The following PLEKHA6 variants were observed in gnomAD, a reference collection of about 807,000 sequenced individuals.
The protein encoded by PLEKHA6 is pleckstrin homology domain-containing family A member 6.
PLEKHA6 carries 60 observed loss-of-function variants against 116.7 expected under a neutral mutation model. The ratio of observed to expected loss-of-function variants is 0.51; its 90% CI spans 0.42 to 0.64. The LOEUF (loss-of-function observed/expected upper bound fraction) is 0.64. Ranked by LOEUF, PLEKHA6 falls within the 30% of genes least tolerant of loss-of-function variation. PLEKHA6 has a pLI of 0.00. For synonymous variants in PLEKHA6, 489 were observed against 556.1 expected (o/e 0.88, Z 1.70); for missense variants, 1,338 against 1,422.7 (o/e 0.94, Z 0.96).
intron 1 of PLEKHA6, among the ~76,000 whole-genome samples, chr1:204,276,526 T>C (rs1668023361): frequency 6.6e-6 from 1 of 152,062 alleles, no homozygotes; most frequent in African/African-American, 2.4e-5. Flanking sequence ...AGTTGTCTGC[T>C]TTTTCTCAGT....
Position 204,261,236 on chromosome 1 carries a change from G to C in PLEKHA6, c.524+70C>G. ...GCACACTGGGATTAGCAATGGCCCA[G>C]AGCTGGGTGTGTCTTCCATTCCCCT... On this transcript the variant is annotated intron_variant, in intron 7 of 22. Coordinates refer to ENST00000272203, the MANE Select transcript of PLEKHA6 (RefSeq NM_014935.5). This position sits in a 1 kb window ranked among gnomAD's most constrained non-coding sequence, Gnocchi z 4.0. 6.4e-7 allele frequency: 1 copy of C among 1,566,834 alleles called. No individual in the cohort carries two copies. Among genetic ancestry groups the C allele is most frequent in the Non-Finnish European group, 8.8e-7 (1 of 1,137,172 alleles).
At chr1:204,344,122 C>T (rs979740293) in intron 1 of PLEKHA6, among the ~76,000 whole-genome samples, 2 of 151,902 alleles carry the variant, frequency 1.3e-5, no homozygotes, top group Non-Finnish European at 2.9e-5. Flanking sequence ...GACCCTATCT[C>T]GAAAAAATAA....
chr1:204,230,069 G>C (rs531796012), intron 18 of PLEKHA6, among the ~76,000 whole-genome samples: 2 of 152,370 alleles, frequency 1.3e-5, no homozygotes, highest in East Asian at 3.9e-4. Flanking sequence ...CCCAGTGCTA[G>C]GCACAGAGGA....
At chr1:204,290,004 T>C (rs1669587020) in intron 1 of PLEKHA6, among the ~76,000 whole-genome samples, 1 of 152,176 alleles carries the variant, frequency 6.6e-6, no homozygotes, top group Admixed American at 6.5e-5. Flanking sequence ...ACCTATACAC[T>C]GAAAACTATA....
At chr1:204,312,872 TTTTCTTTTCTTTTC>T (rs1293189280) in intron 1 of PLEKHA6, among the ~76,000 whole-genome samples, 2 of 140,304 alleles carry the variant, frequency 1.4e-5, no homozygotes, top group South Asian at 4.4e-4. Flanking sequence ...TTTTCTTTTC[TTTTCTTTTCTTTTC>T]TTTTTTTTCT....
rs764011493 is a variant in PLEKHA6, at chr1:204,257,052, A to C, written c.1524+301T>G. 6.6e-6 allele frequency among the ~76,000 whole-genome samples: 1 copy of C among 152,206 alleles called. No homozygotes were observed. Among genetic ancestry groups the C allele is most frequent in the Non-Finnish European group, 1.5e-5 (1 of 68,028 alleles). On this transcript the variant is annotated intron_variant, in intron 9 of 22. Coordinates refer to ENST00000272203, the MANE Select transcript of PLEKHA6 (RefSeq NM_014935.5). This position sits in a 1 kb window ranked among gnomAD's most constrained non-coding sequence, Gnocchi z 6.5. The stretch of plus-strand genomic sequence containing the variant: ...GCAATGATCTGTCCAGGTCCTCAAG[A>C]TTTGAAAAGACAGAACCCTCTCTGC...
At chr1:204,282,644 C>T (rs1370459402) in intron 1 of PLEKHA6, 2 of 985,136 alleles carry the variant, frequency 2.0e-6, no homozygotes, top group African/African-American at 3.5e-5. Context: ...ACTGTCTCAA[C>T]ACTGAAGTGT....
intron 1 of PLEKHA6, among the ~76,000 whole-genome samples, chr1:204,321,112 G>A (rs1672046630): frequency 6.6e-6 from 1 of 152,074 alleles, no homozygotes; most frequent in Non-Finnish European, 1.5e-5. Flanking sequence ...AGAGGCCATG[G>A]CTGCCCACAA....
At chr1:204,351,212 G>C (rs1015669558) in intron 1 of PLEKHA6, among the ~76,000 whole-genome samples, 3 of 152,176 alleles carry the variant, frequency 2.0e-5, no homozygotes, top group Non-Finnish European at 4.4e-5. Flanking sequence ...GCGGGGGGGA[G>C]GTGGCCTACG....
In PLEKHA6 at chr1:204,257,931, G is replaced by A. The variant is rs150987527; in HGVS notation, c.1008-62C>T. 9.2e-4 allele frequency: 1,351 copies of A among 1,470,018 alleles called. 17 individuals are homozygous for A. The East Asian group carries it at 0.02, about 22-fold the overall frequency. 91.1% of individuals were successfully genotyped at this position (1,470,018 alleles called of 1,614,324 possible). A position where few individuals can be genotyped will look rare whatever the true frequency, so the allele number is the denominator to read the frequency against. ...CACGGGCACCCCTCCACCCACCCCAGCCCCACCTCCAGGTCCCCCAGCCTA... is the reference window on the plus strand; with the variant it reads ...CACGGGCACCCCTCCACCCACCCCAACCCCACCTCCAGGTCCCCCAGCCTA... On this transcript the variant is annotated intron_variant, in intron 8 of 22. Transcript: ENST00000272203. The surrounding 1 kb of genome is among the most constrained non-coding windows in gnomAD (Gnocchi z 6.5).
rs541935907 is a variant in PLEKHA6, at chr1:204,278,986, G to C, written c.-94-4177C>G. Among the ~76,000 whole-genome samples the C allele has an allele frequency of 2.5e-3, 378 of 152,198 alleles. 3 individuals carry two copies. Among genetic ancestry groups the C allele is most frequent in the African/African-American group, 8.7e-3 (361 of 41,516 alleles). On this transcript the variant is annotated intron_variant, in intron 1 of 22. Coordinates refer to ENST00000272203, the MANE Select transcript of PLEKHA6 (RefSeq NM_014935.5). ...AAAATTAATTACTTCCTCTCCATGA[G>C]AGAAGCTTTGCTTCTGCCCCCTCGC... is the stretch of plus-strand genomic sequence containing the variant.
intron 1 of PLEKHA6, among the ~76,000 whole-genome samples, chr1:204,356,083 A>G (rs1032430246): frequency 2.6e-5 from 4 of 152,180 alleles, no homozygotes; most frequent in South Asian, 2.1e-4. Flanking sequence ...TATTTTAATA[A>G]TGTAGCCATT....
chr1:204,344,819 T>C (rs1256256838), intron 1 of PLEKHA6, among the ~76,000 whole-genome samples: 1 of 152,066 alleles, frequency 6.6e-6, no homozygotes, highest in Admixed American at 6.5e-5. Flanking sequence ...CTGCCAATCC[T>C]TCAGCCAGTG....
In PLEKHA6 at chr1:204,288,302, G is replaced by A. The variant is rs2103012688; in HGVS notation, c.-94-13493C>T. On this transcript the variant is annotated intron_variant, in intron 1 of 22. Coordinates refer to ENST00000272203, the MANE Select transcript of PLEKHA6 (RefSeq NM_014935.5). Reference sequence around the variant, plus strand: ...CCGGAGCTGGCTGATGGACAGCCCTGTCCCTTCTACTCTGCCCTGAGAAAG... The same window carrying A: ...CCGGAGCTGGCTGATGGACAGCCCTATCCCTTCTACTCTGCCCTGAGAAAG... Among the ~76,000 whole-genome samples, 2 of 152,298 alleles carry A rather than the reference G, an allele frequency of 1.3e-5. 1 individual carries two copies. The highest frequency in any genetic ancestry group is 4.8e-5 in the African/African-American group (2 of 41,560).
rs377073223 is a variant in PLEKHA6, at chr1:204,229,122, C to T, written c.2584-18G>A. The T allele has an allele frequency of 7.5e-5, 121 of 1,606,778 alleles. No individual in the cohort carries two copies. In the African/African-American group the frequency reaches 1.4e-3, roughly 18 times the overall value. ...CGGCGCACCTAGGGGACAGCAGCATCGTGATTGCACCATGGCTACCCATGC... is the reference window on the plus strand; with the variant it reads ...CGGCGCACCTAGGGGACAGCAGCATTGTGATTGCACCATGGCTACCCATGC... On this transcript the variant is annotated intron_variant, in intron 18 of 22. Coordinates refer to ENST00000272203, the MANE Select transcript of PLEKHA6 (RefSeq NM_014935.5).
intron 1 of PLEKHA6, among the ~76,000 whole-genome samples, chr1:204,298,418 G>A (rs758764042): frequency 2.6e-5 from 4 of 152,232 alleles, no homozygotes; most frequent in Non-Finnish European, 5.9e-5. Flanking sequence ...AAAGGGTAGA[G>A]TGGTACCTGA....
At chr1:204,306,960 C>G (rs1021862735) in intron 1 of PLEKHA6, among the ~76,000 whole-genome samples, 2 of 152,176 alleles carry the variant, frequency 1.3e-5, no homozygotes, top group African/African-American at 4.8e-5. Flanking sequence ...CCCCCTACCC[C>G]CAAGGGAGAA....
intron 9 of PLEKHA6, chr1:204,251,620 G>C (rs532748215): frequency 1.4e-6 from 1 of 702,606 alleles, no homozygotes; most frequent in Non-Finnish European, 2.6e-6. Context: ...ATCTGCAGCA[G>C]AGGAAGGAAC....
In PLEKHA6 at chr1:204,259,313, G is replaced by A. The variant is rs1329531763; in HGVS notation, c.952C>T (p.Leu318Phe). The A allele has an allele frequency of 1.9e-6, 3 of 1,614,218 alleles. No homozygotes were observed. The highest frequency in any genetic ancestry group is 1.1e-5 in the South Asian group (1 of 91,088). Reference protein sequence around the residue: ...IAQRKSSMNQLQQWVNLRRGV... With the variant: ...IAQRKSSMNQFQQWVNLRRGV... ...CGGCGCAGATTCACCCACTGCTGAA[G>A]CTGGTTCATGGAGCTCTTGCGCTGG... Residue 318 changes from leucine to phenylalanine, a missense_variant, in exon 8 of 23, where the codon CTT becomes TTT. Physicochemically the swap from Leu to Phe is conservative, Grantham distance 22 (BLOSUM62 0). Transcript: ENST00000272203. This position sits in a 1 kb window ranked among gnomAD's most constrained non-coding sequence, Gnocchi z 4.6.
Sources: allele counts gnomAD v4.1 joint callset (sites outside exome capture counted in the v4.1 genomes callset), GRCh38; gene constraint gnomAD v4.1.1; non-coding constraint Gnocchi (gnomAD v3.1); transcripts MANE v1.5; gene names NCBI Gene and HGNC (gene_info 2026-07-23, HGNC 2026-07-21).